The following CC2D2A variants were observed in gnomAD, a reference collection of about 807,000 sequenced individuals.
CC2D2A encodes the protein coiled-coil and C2 domain containing 2A, also known as coiled-coil and C2 domain-containing protein 2A.
Under a neutral mutation model 212.9 loss-of-function variants are expected in CC2D2A, and 155 were observed. The observed-to-expected ratio is 0.73, with a 90% CI of 0.64 to 0.83. The LOEUF is 0.83. Among genes scored for constraint, CC2D2A ranks in the 40% least tolerant of loss-of-function variants. The pLI, the probability that CC2D2A is intolerant of heterozygous loss-of-function variation, is 0.00. For missense variants in CC2D2A, 1,856 were observed against 1,956.2 expected, an observed-to-expected ratio of 0.95 and a Z score of 0.97; for synonymous variants, 667 against 686.5, an observed-to-expected ratio of 0.97 and a Z score of 0.44.
chr4:15,521,732 G>A (rs1015688413), intron 11 of CC2D2A, among the ~76,000 whole-genome samples: 9 of 152,180 alleles, frequency 5.9e-5, no homozygotes, highest in African/African-American at 1.4e-4. Flanking sequence ...CAATAAAAGC[G>A]CAAATTGAAT....
chr4:15,475,844 C>T (rs1714176375), intron 1 of CC2D2A, 71 bp from the exon 2 acceptor site: 2 of 1,235,392 alleles, frequency 1.6e-6, no homozygotes, highest in South Asian at 1.3e-5. Context: ...CAGCCTCTTA[C>T]ATATCCATAG....
chr4:15,475,904 T>C lies in CC2D2A; in HGVS notation c.-18-11T>C. On this transcript the variant is annotated splice_polypyrimidine_tract_variant and intron_variant, in intron 1 of 36. Transcript: ENST00000424120. ...TTCAAAATGCCTGACTTCTTCATTG[T>C]TCTTTGTCAGGGACCCATCCCAGCC... 1 of 1,569,694 alleles carries C rather than the reference T, an allele frequency of 6.4e-7. No homozygotes were observed. Among genetic ancestry groups the C allele is most frequent in the Non-Finnish European group, 8.7e-7 (1 of 1,154,804 alleles).
intron 1 of CC2D2A, among the ~76,000 whole-genome samples, chr4:15,475,209 G>A (rs1328112790): frequency 6.6e-6 from 1 of 152,222 alleles, no homozygotes; most frequent in Non-Finnish European, 1.5e-5. Context: ...GGAAGGCGGA[G>A]GTTGCAGTGA....
At chr4:15,595,880 G>A in intron 33 of CC2D2A, 1 of 368,954 alleles carries the variant, frequency 2.7e-6, no homozygotes, top group Non-Finnish European at 4.8e-6. Flanking sequence ...TAAAAAATGT[G>A]AAAAAATGGC....
chr4:15,481,279 C>T lies in CC2D2A; in HGVS notation c.247+452C>T, dbSNP rs570923728. Reference sequence around the variant, plus strand: ...ATCCCAGCACTTTGGAAGGCCGAGGCGGGTAAATCACCTGAGGTTGGGAGT... The same window carrying T: ...ATCCCAGCACTTTGGAAGGCCGAGGTGGGTAAATCACCTGAGGTTGGGAGT... On this transcript the variant is annotated intron_variant, in intron 4 of 36. Transcript: ENST00000424120. 2.4e-3 allele frequency: 1,073 copies of T among 451,936 alleles called. 4 individuals carry two copies. The highest frequency in any genetic ancestry group is 3.0e-3 in the South Asian group (192 of 63,864). 28.0% of individuals were successfully genotyped at this position (451,936 alleles called of 1,614,324 possible).
At chr4:15,563,809 G>A (rs902968729) in intron 24 of CC2D2A, 1 of 324,986 alleles carries the variant, frequency 3.1e-6, no homozygotes, top group East Asian at 5.7e-5. Context: ...AGGCCCCGTG[G>A]TCTCTCACTT....
chr4:15,528,689 AT>A lies in CC2D2A; in HGVS notation c.1430del (p.Ile477ThrfsTer34). 1 of 1,612,796 alleles carries A rather than the reference AT, an allele frequency of 6.2e-7. No homozygotes were observed. Among genetic ancestry groups the A allele is most frequent in the Non-Finnish European group, 8.5e-7 (1 of 1,179,376 alleles). On this transcript the variant is annotated frameshift_variant, in exon 13 of 37. Transcript: ENST00000424120. LOFTEE classifies it high-confidence loss of function. The part of the protein sequence containing the change: ...PEKPHQSLDT[I>X]QKTINEYKSE... The stretch of plus-strand genomic sequence containing the variant: ...AAAACCTCATCAGTCTCTCGATACC[AT>A]CCAAAAAACCATCAATGAGTATAAA...
intron 4 of CC2D2A, chr4:15,482,033 T>C (rs1441310062): frequency 6.1e-6 from 6 of 985,292 alleles, no homozygotes; most frequent in East Asian, 1.1e-4. Context: ...CCTTCAGGCA[T>C]TGCTTTTCAT....
chr4:15,573,340 G>T (rs1720252150), intron 28 of CC2D2A, among the ~76,000 whole-genome samples: 1 of 151,354 alleles, frequency 6.6e-6, no homozygotes, highest in African/African-American at 2.4e-5. Context: ...ATCCAGGCTG[G>T]AGTGCAGTGG....
rs769761582 is a variant in CC2D2A at position 15,601,225 on chromosome 4, T to G, written c.4675-12T>G. 3.7e-5 allele frequency: 59 copies of G among 1,606,824 alleles called. No individual in the cohort carries two copies. The highest frequency in any genetic ancestry group is 1.3e-4 in the Admixed American group (8 of 59,496). ...AACTTCACTAATGACTACAAATGTTTTTTCCCTTCAGTTCTCTGGATTTCC... is the reference window on the plus strand; with the variant it reads ...AACTTCACTAATGACTACAAATGTTGTTTCCCTTCAGTTCTCTGGATTTCC... On this transcript the variant is annotated splice_polypyrimidine_tract_variant and intron_variant, in intron 36 of 36. Coordinates refer to ENST00000424120, the MANE Select transcript of CC2D2A (RefSeq NM_001378615.1).
Position 15,528,662 on chromosome 4 carries a change from G to C in CC2D2A, c.1402G>C (p.Glu468Gln), listed in dbSNP as rs377558745. Residue 468 changes from glutamate (E) to glutamine (Q), a missense_variant, in exon 13 of 37, where the codon GAA becomes CAA. Around this residue, in one of 5 missense-constraint regions of CC2D2A, gnomAD observed 1,512 missense variants for 1,579.3 expected, o/e 0.96. Transcript: ENST00000424120. ...RNAVQTGLDPEKPHQSLDTIQ... is the reference protein window; with the variant it reads ...RNAVQTGLDPQKPHQSLDTIQ... ...TGCTGTTCAGACTGGCCTTGATCCA[G>C]AAAAACCTCATCAGTCTCTCGATAC... is the stretch of plus-strand genomic sequence containing the variant. The C allele has an allele frequency of 2.5e-6, 4 of 1,613,688 alleles. No homozygotes were observed. The African/African-American group carries it at 5.3e-5, about 22-fold the overall frequency.
chr4:15,600,612 G>A (rs962402804), intron 36 of CC2D2A, among the ~76,000 whole-genome samples: 2 of 151,992 alleles, frequency 1.3e-5, no homozygotes, highest in African/African-American at 2.4e-5. Context: ...CCAAGGGGAC[G>A]AAAATTATTG....
chr4:15,502,175 C>A (rs886475506), intron 4 of CC2D2A, among the ~76,000 whole-genome samples: 3 of 152,164 alleles, frequency 2.0e-5, no homozygotes, highest in African/African-American at 7.2e-5. Context: ...CAGTGCTAGG[C>A]AGGACTGAGG....
At chr4:15,589,343 T>C (rs1720989690) in intron 32 of CC2D2A, among the ~76,000 whole-genome samples, 1 of 152,160 alleles carries the variant, frequency 6.6e-6, no homozygotes, top group South Asian at 2.1e-4. Flanking sequence ...TAGTATCAGA[T>C]GCAAGAATTT....
At chr4:15,592,555 T>C (rs1054607624) in intron 33 of CC2D2A, among the ~76,000 whole-genome samples, 2 of 152,132 alleles carry the variant, frequency 1.3e-5, no homozygotes, top group Admixed American at 6.5e-5. Context: ...AAAAACACTT[T>C]CCCCCTCCGT....
intron 28 of CC2D2A, among the ~76,000 whole-genome samples, chr4:15,573,481 G>A (rs1720260341): frequency 6.6e-6 from 1 of 152,132 alleles, no homozygotes; most frequent in South Asian, 2.1e-4. Flanking sequence ...GGTAAAGATG[G>A]AGTTTCACCT....
intron 11 of CC2D2A, among the ~76,000 whole-genome samples, chr4:15,520,329 G>T (rs1038575798): frequency 3.3e-5 from 5 of 152,180 alleles, no homozygotes; most frequent in African/African-American, 1.2e-4. Flanking sequence ...GTAAAGATAA[G>T]TTCCAGCCCA....
At chr4:15,561,434 T>C (rs1429066446) in intron 23 of CC2D2A, among the ~76,000 whole-genome samples, 1 of 152,132 alleles carries the variant, frequency 6.6e-6, no homozygotes. Flanking sequence ...CCCACATAAA[T>C]CCATGCAAAA....
intron 6 of CC2D2A, among the ~76,000 whole-genome samples, chr4:15,505,077 G>A (rs550808223): frequency 2.6e-5 from 4 of 152,220 alleles, no homozygotes; most frequent in Admixed American, 2.0e-4. Context: ...TTAAATGAGT[G>A]AATACATGTT....
Sources: gnomAD v4.1 joint callset for allele counts (sites outside exome capture counted in the v4.1 genomes callset) on GRCh38, gnomAD v4.1.1 for gene constraint, gnomAD v4.1.1 regional missense constraint, MANE v1.5 for transcripts, NCBI Gene and HGNC (gene_info 2026-07-23, HGNC 2026-07-21) for gene names.